Variants in UNC5A observed in about 807,000 individuals in gnomAD.
UNC5A encodes the protein unc-5 netrin receptor A.
UNC5A carries 20 observed loss-of-function variants against 87.4 expected under a neutral mutation model. The ratio of observed to expected loss-of-function variants is 0.23; its 90% CI spans 0.16 to 0.33. UNC5A has a LOEUF of 0.33. Among genes scored for constraint, UNC5A ranks in the 10% least tolerant of loss-of-function variants. The pLI is 1.00. For synonymous variants in UNC5A, 438 were observed against 482.3 expected, an observed-to-expected ratio of 0.91 and a Z score of 1.20; for missense variants, 844 against 1,133.4, an observed-to-expected ratio of 0.74 and a Z score of 3.67.
At position 176,838,221 on chromosome 5, in the gene UNC5A, A is replaced by G. The variant is rs1228409710; in HGVS notation, c.71-24403A>G. Among the ~76,000 whole-genome samples the G allele has an allele frequency of 1.3e-5, 2 of 152,134 alleles. No individual in the cohort carries two copies. Among genetic ancestry groups the G allele is most frequent in the South Asian group, 2.1e-4 (1 of 4,828 alleles). ...GGGGGGAAGGAGCTGGAGAGGTGGG[A>G]AGTAGGGATTGGTGAGGCCTAATTC... is the stretch of plus-strand genomic sequence containing the variant. On this transcript the variant is annotated intron_variant, in intron 1 of 14. Coordinates refer to ENST00000329542, the MANE Select transcript of UNC5A (RefSeq NM_133369.3). The surrounding 1 kb of genome is among the most constrained non-coding windows in gnomAD (Gnocchi z 4.2).
intron 1 of UNC5A, among the ~76,000 whole-genome samples, chr5:176,822,235 G>A (rs961390791): frequency 1.3e-5 from 2 of 152,276 alleles, no homozygotes; most frequent in Non-Finnish European, 2.9e-5. Flanking sequence ...CGGGGCGGGG[G>A]ATGCTCACTT....
rs371969783 is a variant in UNC5A at position 176,826,967 on chromosome 5, C to T, written c.70+16147C>T. Among the ~76,000 whole-genome samples the T allele has an allele frequency of 4.6e-5, 7 of 151,824 alleles. No individual in the cohort carries two copies. In the East Asian group the frequency reaches 9.8e-4, roughly 21 times the overall value. ...ACATTTTCATCAGAACAAAGGAGAC[C>T]CCATTAAGCAGTCACTCCCCATTCT... On this transcript the variant is annotated intron_variant, in intron 1 of 14. Coordinates refer to ENST00000329542, the MANE Select transcript of UNC5A (RefSeq NM_133369.3).
At chr5:176,815,724 G>C (rs533148147) in intron 1 of UNC5A, among the ~76,000 whole-genome samples, 7 of 152,326 alleles carry the variant, frequency 4.6e-5, no homozygotes, top group South Asian at 2.1e-4. Flanking sequence ...AGACACAGGA[G>C]AAAAATGCAT....
intron 1 of UNC5A, among the ~76,000 whole-genome samples, chr5:176,852,742 G>T (rs1757576306): frequency 6.6e-6 from 1 of 152,222 alleles, no homozygotes; most frequent in Admixed American, 6.5e-5. Flanking sequence ...AGTTCCCTTT[G>T]CGGTGGGTTC....
rs201278651 is a variant in UNC5A, at chr5:176,878,651, G to A, written c.2184+12G>A. 31 of 1,607,328 alleles carry A rather than the reference G, an allele frequency of 1.9e-5. No individual in the cohort carries two copies. In the African/African-American group the frequency reaches 3.1e-4, roughly 16 times the overall value. ...TCAACATCACCAAGGTGGACGGGAG[G>A]GGCTGCCGCACCGCCGTGACGTGCT... On this transcript the variant is annotated intron_variant, in intron 13 of 14. Transcript: ENST00000329542.
At chr5:176,815,530 T>C (rs1464225567) in intron 1 of UNC5A, among the ~76,000 whole-genome samples, 1 of 152,238 alleles carries the variant, frequency 6.6e-6, no homozygotes, top group East Asian at 1.9e-4. Flanking sequence ...TGGGTCATGC[T>C]TGCTTTCTGG....
chr5:176,843,118 G>T (rs796518368), intron 1 of UNC5A, among the ~76,000 whole-genome samples: 2 of 150,176 alleles, frequency 1.3e-5, no homozygotes, highest in Non-Finnish European at 2.9e-5. Flanking sequence ...CCGAGATCGC[G>T]TCATTGCACT....
chr5:176,818,925 G>A (rs940852835), intron 1 of UNC5A, among the ~76,000 whole-genome samples: 5 of 152,164 alleles, frequency 3.3e-5, no homozygotes, highest in Admixed American at 6.5e-5. Flanking sequence ...TTCCTCACCC[G>A]TAGCCCTGAG....
In UNC5A at chr5:176,842,492, G is replaced by GATAT. The variant is rs35268512; in HGVS notation, c.71-20117_71-20114dup. 6.1e-3 allele frequency among the ~76,000 whole-genome samples: 883 copies of GATAT among 145,648 alleles called. 9 individuals are homozygous for GATAT. Among genetic ancestry groups the GATAT allele is most frequent in the South Asian group, 0.017 (82 of 4,704 alleles). On this transcript the variant is annotated intron_variant, in intron 1 of 14. Transcript: ENST00000329542. ...GTCAATCAACAAATGGAGAAACTGT[G>GATAT]ATATATATATATATATATGATGGAA...
rs983197232 is a variant in UNC5A, at chr5:176,874,007, T to G, written c.926T>G (p.Leu309Arg). The G allele has an allele frequency of 2.5e-6, 4 of 1,613,848 alleles. No homozygotes were observed. The highest frequency in any genetic ancestry group is 2.7e-5 in the African/African-American group (2 of 74,924). ...GPEDVALYVGLIAVAVCLVLL... is the reference protein window; with the variant it reads ...GPEDVALYVGRIAVAVCLVLL... Reference sequence around the variant, plus strand: ...GAGGACGTGGCCCTCTATGTGGGCCTCATCGCCGTGGCCGTCTGCCTGGTC... The same window carrying G: ...GAGGACGTGGCCCTCTATGTGGGCCGCATCGCCGTGGCCGTCTGCCTGGTC... The change falls in exon 7 of 15, where the codon CTC (leucine) becomes CGC (arginine). Residue 309 changes from leucine to arginine, a missense_variant. Leu to Arg is a moderately radical substitution (Grantham distance 102, BLOSUM62 -2). This residue lies in a region of UNC5A where 314 missense variants were observed against 466.5 expected (regional missense o/e 0.67). Coordinates refer to ENST00000329542, the MANE Select transcript of UNC5A (RefSeq NM_133369.3). This position sits in a 1 kb window ranked among gnomAD's most constrained non-coding sequence, Gnocchi z 7.6.
At chr5:176,816,861 C>T (rs1467795766) in intron 1 of UNC5A, among the ~76,000 whole-genome samples, 2 of 152,192 alleles carry the variant, frequency 1.3e-5, no homozygotes, top group Non-Finnish European at 2.9e-5. Flanking sequence ...GAAGACGGAG[C>T]GACTGGGGAG....
At chr5:176,830,020 G>C (rs946664352) in intron 1 of UNC5A, among the ~76,000 whole-genome samples, 15 of 151,958 alleles carry the variant, frequency 9.9e-5, no homozygotes, top group African/African-American at 3.6e-4. Flanking sequence ...GATTAAAGGG[G>C]TGTGCCACCA....
chr5:176,844,384 C>T lies in UNC5A; in HGVS notation c.71-18240C>T, dbSNP rs976147606. Among the ~76,000 whole-genome samples, 1 of 152,146 alleles carries T rather than the reference C, an allele frequency of 6.6e-6. No individual in the cohort carries two copies. Among genetic ancestry groups the T allele is most frequent in the Non-Finnish European group, 1.5e-5 (1 of 68,010 alleles). ...GCAGGGCCCAGCCTCACTCTGTTCTCCTGGGCCTTCCCTGTGCCAGGGAAG... is the reference window on the plus strand; with the variant it reads ...GCAGGGCCCAGCCTCACTCTGTTCTTCTGGGCCTTCCCTGTGCCAGGGAAG... On this transcript the variant is annotated intron_variant, in intron 1 of 14. Transcript: ENST00000329542. The surrounding 1 kb of genome is among the most constrained non-coding windows in gnomAD (Gnocchi z 4.2).
Position 176,869,553 on chromosome 5 carries a change from T to C in UNC5A, c.721+589T>C. On this transcript the variant is annotated intron_variant, in intron 5 of 14. Transcript: ENST00000329542. The surrounding 1 kb of genome is among the most constrained non-coding windows in gnomAD (Gnocchi z 9.1). ...CCCTCTGCCCTCACGCCCCGTCCCCTGGGCCAGTGTATCTGAGGACGCCCC... is the reference window on the plus strand; with the variant it reads ...CCCTCTGCCCTCACGCCCCGTCCCCCGGGCCAGTGTATCTGAGGACGCCCC... The C allele has an allele frequency of 3.0e-6, 2 of 667,764 alleles. No homozygotes were observed. Among genetic ancestry groups the C allele is most frequent in the Non-Finnish European group, 5.5e-6 (2 of 364,804 alleles). The allele number at this position is 667,764 out of a possible 1,614,324, so 41.4% of individuals were successfully genotyped here. A position where few individuals can be genotyped will look rare whatever the true frequency, so the allele number is the denominator to read the frequency against.
chr5:176,822,064 T>C (rs919868659), intron 1 of UNC5A, among the ~76,000 whole-genome samples: 1 of 152,258 alleles, frequency 6.6e-6, no homozygotes, highest in Non-Finnish European at 1.5e-5. Flanking sequence ...GGGCAGGTTA[T>C]TTAAGCTCTC....
At chr5:176,867,143 C>G (rs1197449765) in intron 2 of UNC5A, among the ~76,000 whole-genome samples, 3 of 152,218 alleles carry the variant, frequency 2.0e-5, no homozygotes, top group African/African-American at 7.2e-5. Flanking sequence ...CCTCTCTCTC[C>G]CTTTCTGATA....
At chr5:176,843,192 GAAAA>G (rs911186408) in intron 1 of UNC5A, among the ~76,000 whole-genome samples, 14 of 149,954 alleles carry the variant, frequency 9.3e-5, no homozygotes, top group Admixed American at 9.2e-4. Flanking sequence ...AAGAAAGAAA[GAAAA>G]AAAGAAAAGA....
intron 1 of UNC5A, among the ~76,000 whole-genome samples, chr5:176,835,307 C>T (rs893090085): frequency 6.6e-6 from 1 of 152,258 alleles, no homozygotes; most frequent in Non-Finnish European, 1.5e-5. Context: ...CTCAGGGCCA[C>T]CTGCCAGGCC....
At position 176,865,645 on chromosome 5, in the gene UNC5A, C is replaced by T. The variant is rs1300963287; in HGVS notation, c.293-2485C>T. On this transcript the variant is annotated intron_variant, in intron 2 of 14. Coordinates refer to ENST00000329542, the MANE Select transcript of UNC5A (RefSeq NM_133369.3). This position sits in a 1 kb window ranked among gnomAD's most constrained non-coding sequence, Gnocchi z 5.3. ...TGAAGAAAAAGGCTTTCCTTACCCA[C>T]GGCAGATACCACGGCAGTGGCGCCA... The T allele has an allele frequency of 8.8e-6, 4 of 456,648 alleles. No individual in the cohort carries two copies. The highest frequency in any genetic ancestry group is 1.8e-5 in the Non-Finnish European group (4 of 227,014). 28.3% of individuals were successfully genotyped at this position (456,648 alleles called of 1,614,324 possible). A position where few individuals can be genotyped will look rare whatever the true frequency, so the allele number is the denominator to read the frequency against.
Sources: gnomAD v4.1 joint callset for allele counts (sites outside exome capture counted in the v4.1 genomes callset) on GRCh38, gnomAD v4.1.1 for gene constraint, gnomAD v4.1.1 regional missense constraint, Gnocchi (gnomAD v3.1) non-coding constraint, MANE v1.5 for transcripts, NCBI Gene and HGNC (gene_info 2026-07-23, HGNC 2026-07-21) for gene names.